The following SCAMP4 variants were observed in gnomAD, a reference collection of about 807,000 sequenced individuals.
The protein encoded by SCAMP4 is secretory carrier-associated membrane protein 4.
In SCAMP4, 19 loss-of-function variants were observed where a neutral mutation model predicts 32.1. The observed-to-expected ratio is 0.59, with a 90% CI of 0.41 to 0.87. SCAMP4 has a LOEUF of 0.87. Ranked by LOEUF, SCAMP4 falls within the 40% of genes least tolerant of loss-of-function variation. SCAMP4 has a pLI of 0.00. For missense variants in SCAMP4, 302 were observed against 309.0 expected (o/e 0.98, Z 0.17); for synonymous variants, 152 against 132.7 (o/e 1.15, Z -1.00).
rs2014028705 is a variant in SCAMP4, at chr19:1,924,258, T to C, written c.664T>C (p.Tyr222His). Residue 222 changes from tyrosine to histidine, a missense_variant, in exon 7 of 7, where the codon TAC becomes CAC. By Grantham distance (83) the Tyr-to-His change is moderately conservative. Transcript: ENST00000316097. The stretch of plus-strand genomic sequence containing the variant: ...GCCCGAGTACCCCACTGTGCCCAGC[T>C]ACCCGGGCAGTGGCCAGTGGCCTTA... Reference protein sequence around the residue: ...SLPEYPTVPSYPGSGQWP With the variant: ...SLPEYPTVPSHPGSGQWP 1.2e-6 allele frequency: 2 copies of C among 1,601,152 alleles called. No homozygotes were observed. Among genetic ancestry groups the C allele is most frequent in the Non-Finnish European group, 1.7e-6 (2 of 1,174,496 alleles).
At chr19:1,905,761 G>C (rs761041094) in intron 1 of SCAMP4, 2 of 152,342 alleles carry the variant, frequency 1.3e-5, no homozygotes, top group African/African-American at 2.4e-5. Flanking sequence ...GCTGCTTCCG[G>C]TGGCCCTTCC....
At position 1,925,910 on chromosome 19, in the gene SCAMP4, A is replaced by ACCCC. The variant is rs71174396; in HGVS notation, c.*1632_*1635dup. ...GACAAAATCTCACCTGGCAGGCCCA[A>ACCCC]CCCCCCCCCACCCCTCCCCCGCCGT... On this transcript the variant is annotated 3_prime_UTR_variant, in exon 7 of 7. Transcript: ENST00000316097. The ACCCC allele has an allele frequency of 4.4e-5, 5 of 112,702 alleles. No homozygotes were observed. The highest frequency in any genetic ancestry group is 8.9e-5 in the Admixed American group (1 of 11,296). 7.0% of individuals were successfully genotyped at this position (112,702 alleles called of 1,614,324 possible).
intron 1 of SCAMP4, among the ~76,000 whole-genome samples, chr19:1,913,673 C>T (rs981898888): frequency 3.9e-5 from 6 of 152,142 alleles, no homozygotes; most frequent in African/African-American, 9.7e-5. Context: ...GGACACTAGG[C>T]GTAGTCCACA....
intron 5 of SCAMP4, chr19:1,922,194 A>G: frequency 1.0e-6 from 1 of 985,438 alleles, no homozygotes; most frequent in South Asian, 4.7e-5. Flanking sequence ...CTGGTCCTGC[A>G]CAGAGGGACC....
At chr19:1,923,857 C>T (rs1348828809) in intron 6 of SCAMP4, among the ~76,000 whole-genome samples, 1 of 104,074 alleles carries the variant, frequency 9.6e-6, no homozygotes, top group Non-Finnish European at 1.7e-5. Flanking sequence ...AATCTCCTGA[C>T]CTCGTGATCC....
intron 1 of SCAMP4, chr19:1,911,958 C>T (rs2145435261): frequency 2.9e-6 from 4 of 1,400,582 alleles, no homozygotes; most frequent in Non-Finnish European, 2.8e-6. Flanking sequence ...GGACTAGCCT[C>T]AGCTTTGGTG....
rs2014081595 is a variant in SCAMP4 at position 1,925,855 on chromosome 19, C to T, written c.*1571C>T. The T allele has an allele frequency of 6.6e-6, 1 of 152,588 alleles. No individual in the cohort carries two copies. The highest frequency in any genetic ancestry group is 6.5e-5 in the Admixed American group (1 of 15,280). The allele number at this position is 152,588 out of a possible 1,614,324, so 9.5% of individuals were successfully genotyped here. ...CGGCCAGTCTGCCAAGAGGCACCCCCTTCCCCAGCCTCTCGCCTGCACTGA... is the reference window on the plus strand; with the variant it reads ...CGGCCAGTCTGCCAAGAGGCACCCCTTTCCCCAGCCTCTCGCCTGCACTGA... On this transcript the variant is annotated 3_prime_UTR_variant, in exon 7 of 7. Transcript: ENST00000316097.
chr19:1,919,105 C>A, intron 5 of SCAMP4, 115 bp downstream of exon 5: 1 of 1,525,564 alleles, frequency 6.6e-7, no homozygotes, highest in South Asian at 1.2e-5. Context: ...TGTACGCGCT[C>A]TCCTAGGGAG....
chr19:1,922,063 G>T, intron 5 of SCAMP4: 1 of 985,454 alleles, frequency 1.0e-6, no homozygotes, highest in Non-Finnish European at 1.2e-6. Context: ...ACTGTACGTC[G>T]TGCCTGCCTT....
intron 6 of SCAMP4, 115 bp downstream of exon 6, chr19:1,923,302 G>C (rs559913740): frequency 7.0e-6 from 6 of 855,780 alleles, no homozygotes; most frequent in South Asian, 1.8e-5. Context: ...ACGGTGTCAC[G>C]CAGGCCGCAC....
chr19:1,920,605 C>G, intron 5 of SCAMP4: 1 of 985,520 alleles, frequency 1.0e-6, no homozygotes, highest in Non-Finnish European at 1.2e-6. Context: ...GTGCCTGGGA[C>G]TCCCAGCTCT....
At chr19:1,915,942 CA>C (rs1368045693) in intron 2 of SCAMP4, among the ~76,000 whole-genome samples, 5 of 26,420 alleles carry the variant, frequency 1.9e-4, no homozygotes, top group East Asian at 8.5e-4. Flanking sequence ...GAGACTGTCT[CA>C]GAAAAAAAAA....
intron 1 of SCAMP4, among the ~76,000 whole-genome samples, chr19:1,909,013 G>A (rs2013290800): frequency 6.6e-6 from 1 of 152,082 alleles, no homozygotes; most frequent in South Asian, 2.1e-4. Context: ...GCTGAGGCAG[G>A]AGAATCGCTT....
At chr19:1,922,216 G>C (rs12983565) in intron 5 of SCAMP4, 34,763 of 985,420 alleles carry the variant, frequency 0.035, 648 homozygotes, top group Non-Finnish European at 0.039. Context: ...AGGGCGTGCT[G>C]GCCTTCCCAG....
At chr19:1,922,736 A>G (rs1258609763) in intron 5 of SCAMP4, 1 of 1,015,330 alleles carries the variant, frequency 9.8e-7, no homozygotes, top group Non-Finnish European at 1.2e-6. Context: ...TCACTGAGGG[A>G]AACTAATGGG....
rs1468978235 is a variant in SCAMP4 at position 1,924,584 on chromosome 19, C to G, written c.*300C>G. On this transcript the variant is annotated 3_prime_UTR_variant, in exon 7 of 7. Transcript: ENST00000316097. ...CCGTCCACTGCACGGCTGGTACGGC[C>G]TTGTCTTCAGGTCTCGAGGCCTGAC... 1 of 405,106 alleles carries G rather than the reference C, an allele frequency of 2.5e-6. No homozygotes were observed. The highest frequency in any genetic ancestry group is 4.7e-6 in the Non-Finnish European group (1 of 213,354). 25.1% of individuals were successfully genotyped at this position (405,106 alleles called of 1,614,324 possible).
chr19:1,907,829 C>T (rs933566934), intron 1 of SCAMP4, among the ~76,000 whole-genome samples: 3 of 152,076 alleles, frequency 2.0e-5, no homozygotes, highest in Admixed American at 1.3e-4. Context: ...GGGGGGCAGT[C>T]GCTGTGGGAG....
intron 5 of SCAMP4, chr19:1,919,414 A>G: frequency 1.0e-6 from 1 of 985,280 alleles, no homozygotes; most frequent in Non-Finnish European, 1.2e-6. Flanking sequence ...ACACCTGAGA[A>G]ACTCACAGTC....
chr19:1,919,471 T>C, intron 5 of SCAMP4: 1 of 983,428 alleles, frequency 1.0e-6, no homozygotes, highest in Non-Finnish European at 1.2e-6. Context: ...GTTGGTGTCT[T>C]AAATTTCTGC....
Sources: gnomAD v4.1 joint callset for allele counts (sites outside exome capture counted in the v4.1 genomes callset) on GRCh38, gnomAD v4.1.1 for gene constraint, MANE v1.5 for transcripts, NCBI Gene and HGNC (gene_info 2026-07-23, HGNC 2026-07-21) for gene names.